DNER: variants seen among roughly 807,000 people sequenced by gnomAD.
The protein encoded by DNER is delta and Notch-like epidermal growth factor-related receptor.
Under a neutral mutation model 78.2 loss-of-function variants are expected in DNER, and 33 were observed. That is an observed-to-expected ratio of 0.42 (90% CI 0.32 to 0.56). The LOEUF (loss-of-function observed/expected upper bound fraction) is 0.56, where lower values mean the gene tolerates loss of function less well. DNER is among the 20% of genes least tolerant of loss of function. The probability of loss-of-function intolerance (pLI) is 0.11; values close to 1 mark genes in which losing one functional copy is unlikely to be tolerated. For missense variants in DNER, 918 were observed against 975.3 expected, an observed-to-expected ratio of 0.94 and a Z score of 0.78; for synonymous variants, 417 against 384.8, an observed-to-expected ratio of 1.08 and a Z score of -0.98.
chr2:229,704,265 G>T (rs549278557), intron 1 of DNER, among the ~76,000 whole-genome samples: 2 of 152,340 alleles, frequency 1.3e-5, no homozygotes, highest in African/African-American at 2.4e-5. Context: ...GAATGCAATG[G>T]TACACCTCTT....
chr2:229,500,093 C>T (rs1052807898), intron 6 of DNER, among the ~76,000 whole-genome samples: 13 of 152,094 alleles, frequency 8.5e-5, no homozygotes, highest in Non-Finnish European at 1.9e-4. Context: ...GCCACCACGC[C>T]CAACTAATTT....
intron 5 of DNER, among the ~76,000 whole-genome samples, chr2:229,537,604 C>T (rs1383357626): frequency 6.6e-6 from 1 of 152,202 alleles, no homozygotes; most frequent in Non-Finnish European, 1.5e-5. Flanking sequence ...ACCCATGATA[C>T]AATCCTTGCC....
rs184064285 is a variant in DNER, at chr2:229,545,489, C to T, written c.993+1458G>A. ...ACTTGGGAGGCTGAGGCAGGAGAAA[C>T]GCTTGAACCCAGAAGGTGAGGTTGC... On this transcript the variant is annotated intron_variant, in intron 5 of 12. Coordinates refer to ENST00000341772, the MANE Select transcript of DNER (RefSeq NM_139072.4). Among the ~76,000 whole-genome samples, 167 of 152,314 alleles carry T rather than the reference C, an allele frequency of 1.1e-3. 1 individual carries two copies. The highest frequency in any genetic ancestry group is 3.4e-3 in the African/African-American group (143 of 41,568).
At chr2:229,583,788 A>G (rs1435677751) in intron 4 of DNER, among the ~76,000 whole-genome samples, 6 of 152,248 alleles carry the variant, frequency 3.9e-5, no homozygotes, top group Admixed American at 3.3e-4. Flanking sequence ...AGTGAAATTC[A>G]GATTTGATTC....
chr2:229,673,038 T>A (rs989926791), intron 1 of DNER, among the ~76,000 whole-genome samples: 3 of 151,688 alleles, frequency 2.0e-5, no homozygotes, highest in Non-Finnish European at 4.4e-5. Context: ...CTGTTCCACA[T>A]AACACAGGAA....
chr2:229,430,179 G>A (rs1054184859), intron 8 of DNER, among the ~76,000 whole-genome samples: 1 of 152,148 alleles, frequency 6.6e-6, no homozygotes. Context: ...CAATTGTTTT[G>A]TTAAGGGATT....
chr2:229,507,225 T>C (rs1430834907), intron 6 of DNER, among the ~76,000 whole-genome samples: 1 of 152,232 alleles, frequency 6.6e-6, no homozygotes, highest in Non-Finnish European at 1.5e-5. Context: ...AAATACAGCA[T>C]TGTAATCTTA....
chr2:229,382,278 C>T (rs1334213482), intron 11 of DNER, among the ~76,000 whole-genome samples: 2 of 152,262 alleles, frequency 1.3e-5, no homozygotes, highest in East Asian at 1.9e-4. Context: ...ACATCAAAGA[C>T]CAAAGGTAGA....
chr2:229,528,042 C>T (rs780849450), intron 5 of DNER, among the ~76,000 whole-genome samples: 21 of 152,246 alleles, frequency 1.4e-4, no homozygotes, highest in Non-Finnish European at 1.5e-4. Context: ...GGAGCATGTG[C>T]TAATGACTCG....
chr2:229,653,031 AG>A (rs1346473284), intron 1 of DNER, among the ~76,000 whole-genome samples: 3 of 152,182 alleles, frequency 2.0e-5, no homozygotes, highest in Non-Finnish European at 4.4e-5. Context: ...CTCTGATGCC[AG>A]CATGCTAATT....
intron 7 of DNER, among the ~76,000 whole-genome samples, chr2:229,470,451 GCATTTTTATTTAAA>G (rs1272348582): frequency 6.6e-6 from 1 of 152,060 alleles, no homozygotes; most frequent in Non-Finnish European, 1.5e-5. Context: ...ATTCCTTGCT[GCATTTTTATTTAAA>G]CAACCTCAGA....
intron 8 of DNER, among the ~76,000 whole-genome samples, chr2:229,423,271 T>C (rs1001278274): frequency 6.6e-6 from 1 of 152,160 alleles, no homozygotes; most frequent in Non-Finnish European, 1.5e-5. Flanking sequence ...TTGATAACTT[T>C]CCCAAACTAA....
chr2:229,517,193 G>A (rs985977966), intron 5 of DNER, among the ~76,000 whole-genome samples: 63 of 151,448 alleles, frequency 4.2e-4, no homozygotes, highest in African/African-American at 1.4e-3. Context: ...TCACTTATTT[G>A]TCCTTTCAAC....
chr2:229,494,037 G>A (rs1695455089), intron 6 of DNER, among the ~76,000 whole-genome samples: 1 of 152,154 alleles, frequency 6.6e-6, no homozygotes, highest in Admixed American at 6.5e-5. Context: ...ACCTCTCTAG[G>A]AACCTTGTTC....
rs141943039 is a variant in DNER at position 229,448,978 on chromosome 2, A to G, written c.1262-1438T>C. Among the ~76,000 whole-genome samples the G allele has an allele frequency of 5.1e-3, 770 of 152,310 alleles. 9 individuals carry two copies. The highest frequency in any genetic ancestry group is 0.018 in the African/African-American group (738 of 41,576). On this transcript the variant is annotated intron_variant, in intron 7 of 12. Transcript: ENST00000341772. Reference sequence around the variant, plus strand: ...ACAAACCAAAATAACTCCCAGATTTAATTATGTGAAGCACCACTCATAAAT... The same window carrying G: ...ACAAACCAAAATAACTCCCAGATTTGATTATGTGAAGCACCACTCATAAAT...
chr2:229,561,205 A>G (rs1255140835), intron 4 of DNER, among the ~76,000 whole-genome samples: 1 of 152,210 alleles, frequency 6.6e-6, no homozygotes, highest in Non-Finnish European at 1.5e-5. Flanking sequence ...ACACAACAGT[A>G]CATCCCAGAA....
At chr2:229,407,850 T>C (rs906591812) in intron 9 of DNER, among the ~76,000 whole-genome samples, 1 of 152,184 alleles carries the variant, frequency 6.6e-6, no homozygotes, top group African/African-American at 2.4e-5. Flanking sequence ...CACTGCATGC[T>C]TTATGTCTAA....
intron 1 of DNER, among the ~76,000 whole-genome samples, chr2:229,710,983 G>GCACACACACACACACACACACACGCA (rs1699903703): frequency 7.2e-6 from 1 of 139,724 alleles, no homozygotes; most frequent in African/African-American, 2.7e-5. Context: ...GCATACACGC[G>GCACACACACACACACACACACACGCA]CACACACACA....
chr2:229,531,751 A>C (rs1476090662), intron 5 of DNER, among the ~76,000 whole-genome samples: 1 of 152,238 alleles, frequency 6.6e-6, no homozygotes, highest in Admixed American at 6.5e-5. Context: ...CAAAGGTAGA[A>C]ACAACCCAAA....
Sources: allele counts gnomAD v4.1 joint callset (sites outside exome capture counted in the v4.1 genomes callset), GRCh38; gene constraint gnomAD v4.1.1; transcripts MANE v1.5; gene names NCBI Gene and HGNC (gene_info 2026-07-23, HGNC 2026-07-21).